Variants in NAPB observed in about 807,000 individuals in gnomAD.
NAPB encodes beta-soluble NSF attachment protein.
A neutral mutation model predicts 44.7 loss-of-function variants in NAPB; 26 were observed. That is an observed-to-expected ratio of 0.58 (90% CI 0.43 to 0.81). The LOEUF (loss-of-function observed/expected upper bound fraction) is 0.81, where lower values mean the gene tolerates loss of function less well. NAPB is among the 30% of genes least tolerant of loss of function. The pLI is 0.00. For missense variants in NAPB, 315 were observed against 356.4 expected (o/e 0.88, Z 0.94); for synonymous variants, 120 against 116.8 (o/e 1.03, Z -0.18).
chr20:23,379,092 A>G (rs1178201412), intron 10 of NAPB: 2 of 172,994 alleles, frequency 1.2e-5, no homozygotes, highest in Non-Finnish European at 2.5e-5. Flanking sequence ...CCAGGATTAC[A>G]GGTGTGAGAC....
intron 5 of NAPB, 63 bp downstream of exon 5, chr20:23,394,859 G>A (rs1984233683): frequency 5.3e-6 from 8 of 1,495,894 alleles, no homozygotes; most frequent in Non-Finnish European, 7.5e-6. Flanking sequence ...CTGAGGAGAG[G>A]AGAGTTCTTT....
rs966294639 is a variant in NAPB at position 23,375,002 on chromosome 20, T to C, written c.*2374A>G. 1 of 152,184 alleles carries C rather than the reference T, an allele frequency of 6.6e-6. No individual in the cohort carries two copies. The highest frequency in any genetic ancestry group is 1.5e-5 in the Non-Finnish European group (1 of 68,032). The allele number at this position is 152,184 out of a possible 1,614,324, so 9.4% of individuals were successfully genotyped here. ...TTGTTCATAAGTAACATTCTATAAA[T>C]CTTGAAGACCTAGCTCACAGGCATC... On this transcript the variant is annotated 3_prime_UTR_variant, in exon 11 of 11. Coordinates refer to ENST00000377026, the MANE Select transcript of NAPB (RefSeq NM_022080.3).
chr20:23,417,204 C>A (rs1986066149), intron 1 of NAPB, among the ~76,000 whole-genome samples: 1 of 152,120 alleles, frequency 6.6e-6, no homozygotes, highest in African/African-American at 2.4e-5. Context: ...CTGCCTCAGC[C>A]TACCAAGTAG....
intron 7 of NAPB, among the ~76,000 whole-genome samples, chr20:23,388,554 G>A (rs1285230353): frequency 1.3e-5 from 2 of 152,154 alleles, no homozygotes; most frequent in Admixed American, 6.6e-5. Context: ...CTGGCACAAA[G>A]ATGGATAAAT....
At chr20:23,379,746 A>T (rs547603961) in intron 9 of NAPB, 121 bp downstream of exon 9, 36 of 755,226 alleles carry the variant, frequency 4.8e-5, no homozygotes, top group Non-Finnish European at 7.5e-5. Context: ...GCAGGAAAGT[A>T]CCAGGGCCCC....
At chr20:23,383,564 G>C (rs565407286) in intron 7 of NAPB, among the ~76,000 whole-genome samples, 3 of 152,236 alleles carry the variant, frequency 2.0e-5, no homozygotes, top group Non-Finnish European at 4.4e-5. Flanking sequence ...TAAAGGAAAA[G>C]AACAATCAAC....
In NAPB at chr20:23,390,261, T is replaced by C. The variant is rs200550616; in HGVS notation, c.424A>G (p.Ile142Val). 187 of 1,609,614 alleles carry C rather than the reference T, an allele frequency of 1.2e-4. No individual in the cohort carries two copies. The highest frequency in any genetic ancestry group is 1.5e-4 in the Non-Finnish European group (175 of 1,176,074). Residue 142 changes from isoleucine to valine, a missense_variant, in exon 6 of 11, where the codon ATT (isoleucine) becomes GTT (valine). Physicochemically the swap from Ile to Val is conservative, Grantham distance 29 (BLOSUM62 3). Transcript: ENST00000377026. ...TCAGCAGATTGTTCATAATGTGCAA[T>C]AGCCTGAAAACATACATATTTTATT... ...ETELVDIEKAIAHYEQSADYY... is the reference protein window; with the variant it reads ...ETELVDIEKAVAHYEQSADYY...
intron 1 of NAPB, among the ~76,000 whole-genome samples, chr20:23,405,221 C>T (rs1048595840): frequency 2.0e-5 from 3 of 151,554 alleles, no homozygotes; most frequent in African/African-American, 7.3e-5. Context: ...TACAGTAATC[C>T]GAGATCACAC....
intron 1 of NAPB, among the ~76,000 whole-genome samples, chr20:23,411,621 A>G (rs192926419): frequency 1.8e-3 from 264 of 143,008 alleles, no homozygotes; most frequent in African/African-American, 6.8e-3. Flanking sequence ...TCTATGTCTG[A>G]CAAAGTACAA....
chr20:23,404,369 G>A (rs1985086322), intron 1 of NAPB, among the ~76,000 whole-genome samples: 1 of 152,198 alleles, frequency 6.6e-6, no homozygotes, highest in Non-Finnish European at 1.5e-5. Context: ...GTACATGAAA[G>A]AGTGCACACA....
At chr20:23,379,411 A>C (rs774443022) in intron 10 of NAPB, 34 bp downstream of exon 10, 1 of 1,528,742 alleles carries the variant, frequency 6.5e-7, no homozygotes, top group African/African-American at 1.4e-5. Context: ...TTAAATCTTC[A>C]AATAATGTAC....
chr20:23,410,870 A>C (rs1312593904), intron 1 of NAPB, among the ~76,000 whole-genome samples: 1 of 152,192 alleles, frequency 6.6e-6, no homozygotes, highest in Non-Finnish European at 1.5e-5. Flanking sequence ...AGAAATTTAA[A>C]AACTCATCAT....
intron 7 of NAPB, among the ~76,000 whole-genome samples, chr20:23,389,009 G>C (rs1008521762): frequency 6.6e-6 from 1 of 151,710 alleles, no homozygotes; most frequent in African/African-American, 2.4e-5. Context: ...TATCTAATAG[G>C]GGATTAATAT....
At chr20:23,397,447 GA>G (rs372373093) in intron 2 of NAPB, among the ~76,000 whole-genome samples, 1 of 152,264 alleles carries the variant, frequency 6.6e-6, no homozygotes, top group African/African-American at 2.4e-5. Flanking sequence ...ACTATTCCCT[GA>G]TCTGTCCATT....
rs921452079 is a variant in NAPB, at chr20:23,376,315, C to G, written c.*1061G>C. On this transcript the variant is annotated 3_prime_UTR_variant, in exon 11 of 11. Coordinates refer to ENST00000377026, the MANE Select transcript of NAPB (RefSeq NM_022080.3). ...AAACACATAAGCCAACATATTCCAC[C>G]AGCTAAGAGAACAATCAAGTCCCCT... 2 of 152,194 alleles carry G rather than the reference C, an allele frequency of 1.3e-5. No individual in the cohort carries two copies. Among genetic ancestry groups the G allele is most frequent in the Non-Finnish European group, 2.9e-5 (2 of 68,042 alleles). 9.4% of individuals were successfully genotyped at this position (152,194 alleles called of 1,614,324 possible).
intron 10 of NAPB, 76 bp from the exon 11 acceptor site, chr20:23,377,562 G>T: frequency 1.3e-6 from 1 of 780,848 alleles, no homozygotes; most frequent in Non-Finnish European, 2.0e-6. Context: ...ACCCCAAGCT[G>T]TTTATACCTT....
At chr20:23,419,363 G>C (rs561064254) in intron 1 of NAPB, among the ~76,000 whole-genome samples, 66 of 152,284 alleles carry the variant, frequency 4.3e-4, no homozygotes, top group African/African-American at 1.5e-3. Flanking sequence ...TTAAAAGGGA[G>C]ATGTTTCTTT....
intron 8 of NAPB, 97 bp from the exon 9 acceptor site, chr20:23,380,032 T>C (rs1443917147): frequency 2.2e-6 from 2 of 895,298 alleles, no homozygotes; most frequent in East Asian, 2.5e-5. Context: ...TATATCCTAT[T>C]AAGTGTTGAA....
At chr20:23,391,286 G>C (rs1306203569) in intron 5 of NAPB, among the ~76,000 whole-genome samples, 1 of 152,166 alleles carries the variant, frequency 6.6e-6, no homozygotes, top group African/African-American at 2.4e-5. Flanking sequence ...ACTCCAGCCT[G>C]GGTGACAAGA....
Sources: gnomAD v4.1 joint callset for allele counts (sites outside exome capture counted in the v4.1 genomes callset) on GRCh38, gnomAD v4.1.1 for gene constraint, MANE v1.5 for transcripts, NCBI Gene and HGNC (gene_info 2026-07-23, HGNC 2026-07-21) for gene names.